Variants in NKAIN3 observed in about 807,000 individuals in gnomAD.
NKAIN3 encodes the protein sodium/potassium-transporting ATPase subunit beta-1-interacting protein 3.
NKAIN3 carries 25 observed loss-of-function variants against 30.2 expected under a neutral mutation model. The ratio of observed to expected loss-of-function variants is 0.83; its 90% confidence interval spans 0.60 to 1.16. NKAIN3 has a LOEUF of 1.16. Ranked by LOEUF, NKAIN3 falls within the 50% of genes most tolerant of loss-of-function variation. The probability of loss-of-function intolerance (pLI) is 0.00; values close to 1 mark genes in which losing one functional copy is unlikely to be tolerated. For missense variants in NKAIN3, 225 were observed against 254.1 expected (o/e 0.89, Z 0.78); for synonymous variants, 91 against 89.6 (o/e 1.02, Z -0.09).
At chr8:62,455,637 A>G (rs960665185) in intron 1 of NKAIN3, among the ~76,000 whole-genome samples, 28 of 152,208 alleles carry the variant, frequency 1.8e-4, no homozygotes, top group African/African-American at 6.5e-4. Context: ...ATATGCATGT[A>G]ATACACTTGT....
In NKAIN3 at chr8:62,977,834, C is replaced by T. The variant is rs1349284232; in HGVS notation, c.*12427C>T. On this transcript the variant is annotated 3_prime_UTR_variant, in exon 7 of 7. Coordinates refer to ENST00000623646, the MANE Select transcript of NKAIN3 (RefSeq NM_001304533.3). ...TTCAGCCTTATTGGACTGGTTTTTC[C>T]TCATCTTTGTGGCTTTATCTACCTT... The T allele has an allele frequency of 6.6e-6, 1 of 152,138 alleles. No homozygotes were observed. The highest frequency in any genetic ancestry group is 1.5e-5 in the Non-Finnish European group (1 of 68,048). 9.4% of individuals were successfully genotyped at this position (152,138 alleles called of 1,614,324 possible).
At chr8:62,316,543 C>G (rs1814637212) in intron 1 of NKAIN3, among the ~76,000 whole-genome samples, 1 of 151,850 alleles carries the variant, frequency 6.6e-6, no homozygotes, top group Admixed American at 6.6e-5. Flanking sequence ...GTTTTTTGTC[C>G]TTGTGATAGT....
intron 3 of NKAIN3, among the ~76,000 whole-genome samples, chr8:62,711,973 T>C (rs1424780670): frequency 6.6e-6 from 1 of 152,226 alleles, no homozygotes. Context: ...TGGATGTGGC[T>C]TCCTGTGAGC....
At chr8:62,859,251 G>A (rs948409315) in intron 4 of NKAIN3, among the ~76,000 whole-genome samples, 2 of 151,964 alleles carry the variant, frequency 1.3e-5, no homozygotes, top group African/African-American at 4.8e-5. Context: ...TCCATGAGTT[G>A]GGTTATTTCC....
intron 1 of NKAIN3, among the ~76,000 whole-genome samples, chr8:62,575,863 G>T (rs1468579433): frequency 6.6e-6 from 1 of 152,024 alleles, no homozygotes; most frequent in Non-Finnish European, 1.5e-5. Context: ...CATAAATTGG[G>T]GAAAGGACAA....
At chr8:62,422,086 C>T (rs886895481) in intron 1 of NKAIN3, among the ~76,000 whole-genome samples, 1 of 152,024 alleles carries the variant, frequency 6.6e-6, no homozygotes, top group East Asian at 1.9e-4. Context: ...AAGTCTCATG[C>T]AGAAAATAAA....
chr8:62,367,699 C>G (rs4737601), intron 1 of NKAIN3, among the ~76,000 whole-genome samples: 147,491 of 152,156 alleles, frequency 0.97, 71,542 homozygotes, highest in East Asian at 1. Context: ...TACCCACTCT[C>G]AACACTACTA....
intron 4 of NKAIN3, among the ~76,000 whole-genome samples, chr8:62,867,400 A>G (rs913497988): frequency 6.6e-6 from 1 of 152,222 alleles, no homozygotes; most frequent in African/African-American, 2.4e-5. Context: ...AGCACAGTGT[A>G]TAATCAGTAC....
At chr8:62,331,226 C>A (rs1008714461) in intron 1 of NKAIN3, among the ~76,000 whole-genome samples, 16 of 149,946 alleles carry the variant, frequency 1.1e-4, no homozygotes, top group Non-Finnish European at 1.6e-4. Flanking sequence ...TAAACCCTTT[C>A]TTTTCTCTAT....
chr8:62,817,333 T>A (rs1818716079), intron 4 of NKAIN3, among the ~76,000 whole-genome samples: 1 of 152,182 alleles, frequency 6.6e-6, no homozygotes, highest in Non-Finnish European at 1.5e-5. Flanking sequence ...GTTGACTTTC[T>A]TACTAAGAGA....
At chr8:62,626,981 A>G (rs577071135) in intron 3 of NKAIN3, among the ~76,000 whole-genome samples, 2 of 152,290 alleles carry the variant, frequency 1.3e-5, no homozygotes, top group African/African-American at 4.8e-5. Context: ...TGCACATGCT[A>G]CAGCTCAAAG....
intron 1 of NKAIN3, among the ~76,000 whole-genome samples, chr8:62,564,399 T>C (rs1809683062): frequency 6.6e-6 from 1 of 151,974 alleles, no homozygotes; most frequent in African/African-American, 2.4e-5. Context: ...TCAAAACAGC[T>C]CCAAACCCGA....
chr8:62,448,167 G>C (rs1215563151), intron 1 of NKAIN3, among the ~76,000 whole-genome samples: 1 of 151,746 alleles, frequency 6.6e-6, no homozygotes, highest in Non-Finnish European at 1.5e-5. Flanking sequence ...TGTCTCAGAT[G>C]AGTTTTTTTG....
chr8:62,519,904 C>T (rs908556718), intron 1 of NKAIN3, among the ~76,000 whole-genome samples: 6 of 152,102 alleles, frequency 3.9e-5, no homozygotes, highest in African/African-American at 1.4e-4. Context: ...AGATCAGAGG[C>T]CTTCCTGGAC....
At chr8:62,934,895 G>A (rs1455413696) in intron 5 of NKAIN3, among the ~76,000 whole-genome samples, 1 of 152,194 alleles carries the variant, frequency 6.6e-6, no homozygotes, top group African/African-American at 2.4e-5. Context: ...AGGTGAGCAG[G>A]ATTGTCCTGA....
At chr8:62,998,052 A>G (rs1338860693) in intron 5 of NKAIN3, among the ~76,000 whole-genome samples, 3 of 152,068 alleles carry the variant, frequency 2.0e-5, no homozygotes, top group African/African-American at 7.2e-5. Flanking sequence ...AATATATTTC[A>G]TGTTTAGGGC....
intron 3 of NKAIN3, among the ~76,000 whole-genome samples, chr8:62,607,732 G>T (rs1267468024): frequency 1.3e-5 from 2 of 151,772 alleles, no homozygotes; most frequent in Admixed American, 6.6e-5. Flanking sequence ...GGTAGCCTTG[G>T]CCCCCAGAGA....
At chr8:62,800,717 A>T (rs868487006) in intron 4 of NKAIN3, among the ~76,000 whole-genome samples, 2 of 152,186 alleles carry the variant, frequency 1.3e-5, no homozygotes, top group Non-Finnish European at 2.9e-5. Context: ...CTGCATTTCC[A>T]TCTGAGGTAC....
At chr8:62,820,706 A>T (rs569782408) in intron 4 of NKAIN3, among the ~76,000 whole-genome samples, 2 of 152,260 alleles carry the variant, frequency 1.3e-5, no homozygotes, top group Admixed American at 1.3e-4. Flanking sequence ...AGACGAGGAG[A>T]ACCATAGTAA....
Sources: allele counts gnomAD v4.1 joint callset (sites outside exome capture counted in the v4.1 genomes callset), GRCh38; gene constraint gnomAD v4.1.1; transcripts MANE v1.5; gene names NCBI Gene and HGNC (gene_info 2026-07-23, HGNC 2026-07-21).